Variants in BRD7 observed in about 807,000 individuals in gnomAD.
BRD7 encodes bromodomain containing 7, also known as bromodomain-containing protein 7.
Under a neutral mutation model 82.1 loss-of-function variants are expected in BRD7, and 15 were observed. The ratio of observed to expected loss-of-function variants is 0.18; its 90% confidence interval spans 0.12 to 0.28. The LOEUF is 0.28. BRD7 is among the 10% of genes least tolerant of loss of function. The pLI, the probability that BRD7 is intolerant of heterozygous loss-of-function variation, is 1.00. For missense variants in BRD7, 638 were observed against 779.9 expected (o/e 0.82, Z 2.17); for synonymous variants, 232 against 266.9 (o/e 0.87, Z 1.27).
chr16:50,363,678 CGTGT>C (rs1373622307), intron 2 of BRD7, among the ~76,000 whole-genome samples: 39 of 64,556 alleles, frequency 6.0e-4, no homozygotes, highest in South Asian at 3.5e-3. Flanking sequence ...CGCGCGTGCG[CGTGT>C]GCTTCCCCCA....
At chr16:50,349,245 G>T (rs1229555177) in intron 5 of BRD7, 2 of 210,188 alleles carry the variant, frequency 9.5e-6, no homozygotes, top group Admixed American at 5.5e-5. Context: ...GGGGCCTGTT[G>T]TGGGGTGGGG....
intron 2 of BRD7, among the ~76,000 whole-genome samples, chr16:50,363,656 TGTGTGCGCGCGCGCGC>T (rs143704579): frequency 2.0e-5 from 1 of 51,004 alleles, no homozygotes; most frequent in Non-Finnish European, 6.0e-5. Flanking sequence ...TGTGTGTGTG[TGTGTGCGCGCGCGCGC>T]GTGCGCGTGT....
chr16:50,319,386 CAAGGCTG>C (rs780591205), intron 16 of BRD7, 120 bp from the exon 17 acceptor site: 1 of 855,160 alleles, frequency 1.2e-6, no homozygotes, highest in Non-Finnish European at 1.9e-6. Flanking sequence ...TCACCACATC[CAAGGCTG>C]AAGACTACGC....
intron 5 of BRD7, among the ~76,000 whole-genome samples, chr16:50,343,843 A>G (rs919552020): frequency 1.3e-5 from 2 of 152,118 alleles, no homozygotes; most frequent in African/African-American, 2.4e-5. Flanking sequence ...GGGGCAGGGC[A>G]TAGCTGAACA....
intron 5 of BRD7, chr16:50,349,573 G>A (rs1255586386): frequency 2.1e-6 from 1 of 470,186 alleles, no homozygotes; most frequent in Non-Finnish European, 4.4e-6. Flanking sequence ...CTGTGGAACT[G>A]TGAGTTAATC....
chr16:50,360,551 TG>T (rs2038900484), intron 2 of BRD7, among the ~76,000 whole-genome samples: 1 of 152,208 alleles, frequency 6.6e-6, no homozygotes, highest in Non-Finnish European at 1.5e-5. Flanking sequence ...CACGGCAGAA[TG>T]ACGCATACCT....
rs1384231819 is a variant in BRD7 at position 50,319,997 on chromosome 16, G to A, written c.1790C>T (p.Ala597Val). 1 of 1,611,402 alleles carries A rather than the reference G, an allele frequency of 6.2e-7. No individual in the cohort carries two copies. Among genetic ancestry groups the A allele is most frequent in the African/African-American group, 1.3e-5 (1 of 74,696 alleles). The change falls in exon 16 of 17, where the codon GCA becomes GTA. Residue 597 changes from alanine to valine, a missense_variant. Ala to Val is a moderately conservative substitution (Grantham distance 64). This residue lies in a region of BRD7 where 402 missense variants were observed against 500.8 expected (regional missense o/e 0.80). Coordinates refer to ENST00000394688, the MANE Select transcript of BRD7 (RefSeq NM_013263.5). The part of the protein sequence containing the change: ...EQVTNNLKEL[A>V]QQVTPGDIVS... ...GATATCACCTGGAGTTACTTGCTGT[G>A]CAAGTTCTTTAAGATTATTGGTCAC...
rs71138063 is a variant in BRD7 at position 50,337,256 on chromosome 16, C to CTTTT, written c.703-2365_703-2362dup. Among the ~76,000 whole-genome samples, 274 of 93,190 alleles carry CTTTT rather than the reference C, an allele frequency of 2.9e-3. 1 individual carries two copies. The highest frequency in any genetic ancestry group is 5.2e-3 in the East Asian group (15 of 2,890). The allele number at this position is 93,190 out of a possible 152,430, so 61.1% of individuals were successfully genotyped here. On this transcript the variant is annotated intron_variant, in intron 6 of 16. Transcript: ENST00000394688. ...AGTTACTCTTCATCTGTTCATTCTT[C>CTTTT]TTTTTTTTTTTTTTTTTTTTTGAGA...
At position 50,318,046 on chromosome 16, in the gene BRD7, A is replaced by T. The variant is rs1307915524; in HGVS notation, c.*1165T>A. 2 of 152,340 alleles carry T rather than the reference A, an allele frequency of 1.3e-5. No individual in the cohort carries two copies. Among genetic ancestry groups the T allele is most frequent in the African/African-American group, 4.8e-5 (2 of 41,466 alleles). The allele number at this position is 152,340 out of a possible 1,614,324, so 9.4% of individuals were successfully genotyped here. On this transcript the variant is annotated 3_prime_UTR_variant, in exon 17 of 17. Coordinates refer to ENST00000394688, the MANE Select transcript of BRD7 (RefSeq NM_013263.5). ...TATAATGAATATTTATAGATCTGTA[A>T]CATTTGTTTCAAAATGCTGTTTCAT...
At chr16:50,334,435 A>C (rs2037705748) in intron 7 of BRD7, among the ~76,000 whole-genome samples, 1 of 152,202 alleles carries the variant, frequency 6.6e-6, no homozygotes, top group African/African-American at 2.4e-5. Flanking sequence ...AAACTCACTG[A>C]CCATATCAGT....
intron 2 of BRD7, among the ~76,000 whole-genome samples, chr16:50,363,660 T>TGCGCGC (rs1555472868): frequency 2.0e-4 from 20 of 102,508 alleles, no homozygotes; most frequent in African/African-American, 5.3e-4. Context: ...TGTGTGTGTG[T>TGCGCGC]GCGCGCGCGC....
At chr16:50,327,730 C>G (rs2037398290) in intron 9 of BRD7, among the ~76,000 whole-genome samples, 1 of 152,144 alleles carries the variant, frequency 6.6e-6, no homozygotes, top group Admixed American at 6.5e-5. Flanking sequence ...CATAGCTGTT[C>G]TTTTCCTTTG....
In BRD7 at chr16:50,316,518, TCTTTC is replaced by T. The variant is rs2036806975; in HGVS notation, c.*2688_*2692del. 1 of 152,360 alleles carries T rather than the reference TCTTTC, an allele frequency of 6.6e-6. No homozygotes were observed. The highest frequency in any genetic ancestry group is 2.4e-5 in the African/African-American group (1 of 41,454). 9.4% of individuals were successfully genotyped at this position (152,360 alleles called of 1,614,324 possible). A position where few individuals can be genotyped will look rare whatever the true frequency, so the allele number is the denominator to read the frequency against. On this transcript the variant is annotated 3_prime_UTR_variant, in exon 17 of 17. Transcript: ENST00000394688. ...TTGGACAACCTGTGAGTGCATCTCT[TCTTTC>T]CTTTAGTCTTCACAGCTAACTCTGG...
chr16:50,323,477 CCA>C (rs1247777499), intron 12 of BRD7, 108 bp downstream of exon 12: 6 of 923,574 alleles, frequency 6.5e-6, no homozygotes, highest in East Asian at 5.1e-5. Context: ...TCTTTCAGGG[CCA>C]CAGAGTTCAG....
At position 50,325,842 on chromosome 16, in the gene BRD7, G is replaced by A. The variant is rs1307748972; in HGVS notation, c.1237C>T (p.His413Tyr). 1 of 1,612,082 alleles carries A rather than the reference G, an allele frequency of 6.2e-7. No homozygotes were observed. Among genetic ancestry groups the A allele is most frequent in the Non-Finnish European group, 8.5e-7 (1 of 1,179,500 alleles). ...NYGPYSSYAPHYDSTFANISK... is the reference protein window; with the variant it reads ...NYGPYSSYAPYYDSTFANISK... ...ATATTTGCAAATGTGGAGTCATAAT[G>A]CGGTGCATAAGAACTGTAGGGCCCA... Residue 413 changes from histidine (H) to tyrosine (Y), a missense_variant, in exon 11 of 17, where the codon CAT (histidine) becomes TAT (tyrosine). By Grantham distance (83) the His-to-Tyr change is moderately conservative. Coordinates refer to ENST00000394688, the MANE Select transcript of BRD7 (RefSeq NM_013263.5).
rs566346017 is a variant in BRD7, at chr16:50,368,897, G to C, written c.-123C>G. 2,735 of 485,268 alleles carry C rather than the reference G, an allele frequency of 5.6e-3. 68 individuals carry two copies. Among genetic ancestry groups the C allele is most frequent in the African/African-American group, 0.054 (2,518 of 46,988 alleles). The allele number at this position is 485,268 out of a possible 1,614,324, so 30.1% of individuals were successfully genotyped here. A position where few individuals can be genotyped will look rare whatever the true frequency, so the allele number is the denominator to read the frequency against. On this transcript the variant is annotated 5_prime_UTR_variant, in exon 1 of 17. Coordinates refer to ENST00000394688, the MANE Select transcript of BRD7 (RefSeq NM_013263.5). ...CCGCGAGACCCCGCGCCGCGAGGCA[G>C]GGGGGCGGCGCGCGCCGGGCGGCGC... is the stretch of plus-strand genomic sequence containing the variant.
chr16:50,368,208 C>T lies in BRD7; in HGVS notation c.140G>A (p.Ser47Asn), dbSNP rs1159669655. ...LSTGSSGHDS[S>N]LFEDKNDHDK... ...ATGATCGTTTTTGTCTTCGAAGAGG[C>T]TGGAGTCGTGCCCCGAGCTGCCCGT... Residue 47 changes from serine to asparagine, a missense_variant, in exon 2 of 17, where the codon AGC becomes AAC. By Grantham distance (46) the Ser-to-Asn change is conservative. Transcript: ENST00000394688. The T allele has an allele frequency of 6.2e-7, 1 of 1,614,218 alleles. No homozygotes were observed. The highest frequency in any genetic ancestry group is 1.7e-5 in the Admixed American group (1 of 60,034).
chr16:50,344,760 G>T (rs1160430673), intron 5 of BRD7, among the ~76,000 whole-genome samples: 1 of 152,294 alleles, frequency 6.6e-6, no homozygotes, highest in Non-Finnish European at 1.5e-5. Context: ...AGAAATATTG[G>T]ACTATGTGAA....
Position 50,333,680 on chromosome 16 carries a change from A to G in BRD7, c.905T>C (p.Leu302Pro). Residue 302 changes from leucine to proline, a missense_variant, in exon 8 of 17, where the codon CTT becomes CCT. This residue lies in a region of BRD7 where 402 missense variants were observed against 500.8 expected (regional missense o/e 0.80). Transcript: ENST00000394688. ...ATTATTGCTTTTAAACTTATCTTCA[A>G]GCATATCTTTGTCTTTCCTGAAAAT... ...KENKKKDKDM[L>P]EDKFKSNNLE... The G allele has an allele frequency of 6.3e-7, 1 of 1,591,010 alleles. No individual in the cohort carries two copies. Among genetic ancestry groups the G allele is most frequent in the Non-Finnish European group, 8.6e-7 (1 of 1,161,294 alleles).
Sources: gnomAD v4.1 joint callset for allele counts (sites outside exome capture counted in the v4.1 genomes callset) on GRCh38, gnomAD v4.1.1 for gene constraint, gnomAD v4.1.1 regional missense constraint, MANE v1.5 for transcripts, NCBI Gene and HGNC (gene_info 2026-07-23, HGNC 2026-07-21) for gene names.